Variants in TNN observed in about 807,000 individuals in gnomAD.
TNN encodes tenascin N.
In TNN, 122 loss-of-function variants were observed where a neutral mutation model predicts 134.4. That is an observed-to-expected ratio of 0.91 (90% CI 0.78 to 1.06). The LOEUF is 1.06. Ranked by LOEUF, TNN falls within the 50% of genes least tolerant of loss-of-function variation. The probability of loss-of-function intolerance (pLI) is 0.00; values close to 1 mark genes in which losing one functional copy is unlikely to be tolerated. For missense variants in TNN, 1,739 were observed against 1,699.4 expected, an observed-to-expected ratio of 1.02 and a Z score of -0.41; for synonymous variants, 710 against 670.3, an observed-to-expected ratio of 1.06 and a Z score of -0.91.
Position 175,102,692 on chromosome 1 carries a change from C to T in TNN, c.2119+4097C>T, listed in dbSNP as rs189081566. ...CCCACTCGCGCCTCTCCCTCCACAC[C>T]TCCCCGCAAGCTGAGGGAGTGGGCT... On this transcript the variant is annotated intron_variant, in intron 9 of 18. Coordinates refer to ENST00000239462, the MANE Select transcript of TNN (RefSeq NM_022093.2). Among the ~76,000 whole-genome samples, 2 of 146,290 alleles carry T rather than the reference C, an allele frequency of 1.4e-5. 1 individual carries two copies. Among genetic ancestry groups the T allele is most frequent in the Admixed American group, 1.4e-4 (2 of 14,638 alleles).
chr1:175,100,863 T>C (rs1312475794), intron 9 of TNN, among the ~76,000 whole-genome samples: 2 of 152,214 alleles, frequency 1.3e-5, no homozygotes, highest in Non-Finnish European at 2.9e-5. Context: ...AGACATTTGT[T>C]TCTTTTTTAA....
In TNN at chr1:175,117,036, G is replaced by A; in HGVS notation, c.2217G>A (p.Val739=). ...DPVRATIDRY[V]VRYTSAKDGE... is the part of the protein sequence containing the mutation. Reference sequence around the variant, plus strand: ...TGCGGGCCACCATTGACAGGTATGTGGTGCGCTACACCTCTGCCAAGGACG... The same window carrying A: ...TGCGGGCCACCATTGACAGGTATGTAGTGCGCTACACCTCTGCCAAGGACG... The change falls in exon 10 of 19, where the codon GTG becomes GTA. Residue 739 remains valine (V), a synonymous_variant. Coordinates refer to ENST00000239462, the MANE Select transcript of TNN (RefSeq NM_022093.2). The A allele has an allele frequency of 1.2e-6, 2 of 1,614,208 alleles. No individual in the cohort carries two copies. Among genetic ancestry groups the A allele is most frequent in the Admixed American group, 1.7e-5 (1 of 60,030 alleles).
chr1:175,103,747 G>A (rs1674787657), intron 9 of TNN, among the ~76,000 whole-genome samples: 2 of 141,568 alleles, frequency 1.4e-5, no homozygotes, highest in South Asian at 4.8e-4. Flanking sequence ...TCCTCTCTCT[G>A]TCTCTTTCTC....
Position 175,128,588 on chromosome 1 carries a change from C to T in TNN, c.3179-7C>T, listed in dbSNP as rs1675591232. The T allele has an allele frequency of 2.5e-6, 4 of 1,608,388 alleles. No individual in the cohort carries two copies. In the African/African-American group the frequency reaches 4.0e-5, roughly 16 times the overall value. Reference sequence around the variant, plus strand: ...TCCTAACAACACTCTCTCTGCTTGGCTCCCAGTTGGTGCCCGTTTCCCACA... The same window carrying T: ...TCCTAACAACACTCTCTCTGCTTGGTTCCCAGTTGGTGCCCGTTTCCCACA... On this transcript the variant is annotated splice_polypyrimidine_tract_variant and splice_region_variant and intron_variant, in intron 14 of 18. Transcript: ENST00000239462.
chr1:175,098,785 C>G (rs1674642708), intron 9 of TNN, among the ~76,000 whole-genome samples, 190 bp downstream of exon 9: 1 of 152,194 alleles, frequency 6.6e-6, no homozygotes, highest in African/African-American at 2.4e-5. Context: ...GGTCTCCAAA[C>G]TCTGGTCTTT....
chr1:175,072,215 T>G (rs896371300), intron 1 of TNN, among the ~76,000 whole-genome samples: 3 of 152,108 alleles, frequency 2.0e-5, no homozygotes, highest in Non-Finnish European at 4.4e-5. Context: ...CAAGGCAGCA[T>G]TTGTTCCTGA....
At chr1:175,146,675 A>G (rs892868820) in intron 18 of TNN, among the ~76,000 whole-genome samples, 3 of 151,618 alleles carry the variant, frequency 2.0e-5, no homozygotes, top group Non-Finnish European at 2.9e-5. Context: ...CCTTGCTCCC[A>G]CCATAGAGAC....
intron 7 of TNN, among the ~76,000 whole-genome samples, chr1:175,095,507 C>A (rs1181624220): frequency 6.6e-6 from 1 of 152,214 alleles, no homozygotes; most frequent in Non-Finnish European, 1.5e-5. Flanking sequence ...ACACGTGACT[C>A]TCTGTTTACT....
chr1:175,123,399 G>T lies in TNN; in HGVS notation c.2651-1G>T, dbSNP rs1675426069. ...AGCCTTTTCTAAATCTTTTTAAAAAGAAATTGACGGCCCCAAAAACCTAGT... is the reference window on the plus strand; with the variant it reads ...AGCCTTTTCTAAATCTTTTTAAAAATAAATTGACGGCCCCAAAAACCTAGT... On this transcript the variant is annotated splice_acceptor_variant, in intron 11 of 18. Coordinates refer to ENST00000239462, the MANE Select transcript of TNN (RefSeq NM_022093.2). LOFTEE classifies it high-confidence loss of function. The T allele has an allele frequency of 1.2e-6, 2 of 1,613,290 alleles. No homozygotes were observed. The highest frequency in any genetic ancestry group is 1.7e-6 in the Non-Finnish European group (2 of 1,179,838).
intron 5 of TNN, 89 bp downstream of exon 5, chr1:175,084,024 C>G (rs1199953512): frequency 1.5e-6 from 2 of 1,335,136 alleles, no homozygotes; most frequent in African/African-American, 2.9e-5. Context: ...CTGCACTGCT[C>G]AAGTGTGCAC....
intron 12 of TNN, 30 bp downstream of exon 12, chr1:175,123,693 C>A: frequency 6.2e-7 from 1 of 1,612,720 alleles, no homozygotes; most frequent in Non-Finnish European, 8.5e-7. Flanking sequence ...CAGGGGAACA[C>A]CTCACACTTA....
In TNN at chr1:175,127,015, C is replaced by G; in HGVS notation, c.2975C>G (p.Thr992Ser). The G allele has an allele frequency of 6.2e-7, 1 of 1,614,190 alleles. No homozygotes were observed. The highest frequency in any genetic ancestry group is 8.5e-7 in the Non-Finnish European group (1 of 1,180,020). ...SAVTQSGGIL[T>S]WTPPSAQIHG... ...GTAACGCAGTCTGGTGGCATATTGA[C>G]CTGGACGCCCCCCTCTGCTCAGATC... The change falls in exon 13 of 19, where the codon ACC (threonine) becomes AGC (serine). Residue 992 changes from threonine to serine, a missense_variant. Thr to Ser is a moderately conservative substitution (Grantham distance 58). Transcript: ENST00000239462.
chr1:175,105,310 G>A lies in TNN; in HGVS notation c.2119+6715G>A, dbSNP rs1310528816. On this transcript the variant is annotated intron_variant, in intron 9 of 18. Transcript: ENST00000239462. The stretch of plus-strand genomic sequence containing the variant: ...AGAAGGGGACATGCACCCGGGTTGG[G>A]CCAAATTCCCCTCCCCCTACAGCTT... Among the ~76,000 whole-genome samples the A allele has an allele frequency of 1.4e-5, 2 of 145,642 alleles. 1 individual carries two copies. The highest frequency in any genetic ancestry group is 4.9e-5 in the African/African-American group (2 of 40,436).
intron 14 of TNN, 132 bp from the exon 15 acceptor site, chr1:175,128,463 A>C: frequency 8.8e-7 from 1 of 1,130,452 alleles, no homozygotes; most frequent in African/African-American, 1.6e-5. Flanking sequence ...ATGAGTGAAG[A>C]GTTGGAAGAA....
chr1:175,094,833 C>T (rs938619161), intron 7 of TNN, among the ~76,000 whole-genome samples: 1 of 152,226 alleles, frequency 6.6e-6, no homozygotes, highest in African/African-American at 2.4e-5. Flanking sequence ...TCTCCTGGTG[C>T]TTCTCTGAAT....
At chr1:175,068,778 C>T (rs555946433) in intron 1 of TNN, among the ~76,000 whole-genome samples, 3 of 152,228 alleles carry the variant, frequency 2.0e-5, no homozygotes, top group Admixed American at 2.0e-4. Context: ...CGTGGTGGCG[C>T]ATGCCTATAA....
chr1:175,132,619 C>T (rs1675702931), intron 15 of TNN, among the ~76,000 whole-genome samples: 1 of 152,164 alleles, frequency 6.6e-6, no homozygotes, highest in South Asian at 2.1e-4. Flanking sequence ...TCATTTAGTC[C>T]TCCCAGAAGT....
chr1:175,139,596 C>T (rs1280216768), intron 17 of TNN, among the ~76,000 whole-genome samples: 3 of 126,494 alleles, frequency 2.4e-5, no homozygotes, highest in Non-Finnish European at 5.1e-5. Flanking sequence ...AAAGGACCTG[C>T]CTGAGGCTGT....
chr1:175,097,778 T>C, intron 8 of TNN, 95 bp downstream of exon 8: 1 of 1,505,744 alleles, frequency 6.6e-7, no homozygotes, highest in Non-Finnish European at 8.9e-7. Flanking sequence ...AGAAAGACTT[T>C]GCAATTAGAA....
Sources: allele counts gnomAD v4.1 joint callset (sites outside exome capture counted in the v4.1 genomes callset), GRCh38; gene constraint gnomAD v4.1.1; transcripts MANE v1.5; gene names NCBI Gene and HGNC (gene_info 2026-07-23, HGNC 2026-07-21).